Variants in TENM2 observed in about 807,000 individuals in gnomAD.
TENM2 encodes the protein teneurin-2.
In TENM2, 52 loss-of-function variants were observed where a neutral mutation model predicts 245.2. The ratio of observed to expected loss-of-function variants is 0.21; its 90% CI spans 0.17 to 0.27. TENM2 has a LOEUF of 0.27. TENM2 is among the 10% of genes least tolerant of loss of function. TENM2 has a pLI of 1.00. For synonymous variants in TENM2, 1,363 were observed against 1,438.9 expected (o/e 0.95, Z 1.19); for missense variants, 3,046 against 3,666.8 (o/e 0.83, Z 4.37).
the TENM2 span, among the ~76,000 whole-genome samples, chr5:167,171,516 C>T: frequency 1.1e-4 from 16 of 152,214 alleles, no homozygotes; most frequent in Non-Finnish European, 7.4e-5. Flanking sequence ...TTAAGGCAAT[C>T]GACAAGGAGT....
rs777199723 is a variant in TENM2, at chr5:167,974,054, G to A, written c.948-18890G>A. 4.2e-3 allele frequency among the ~76,000 whole-genome samples: 125 copies of A among 29,422 alleles called. 4 individuals carry two copies. The highest frequency in any genetic ancestry group is 4.6e-3 in the Non-Finnish European group (86 of 18,720). The allele number at this position is 29,422 out of a possible 152,430, so 19.3% of individuals were successfully genotyped here. A position where few individuals can be genotyped will look rare whatever the true frequency, so the allele number is the denominator to read the frequency against. ...AAGGAAGGAGAAGGAAGGAAGGGAG[G>A]AAAGGAGGGAGGGAGGGAGGAAGGA... On this transcript the variant is annotated intron_variant, in intron 4 of 28. Transcript: ENST00000518659.
At chr5:168,217,846 C>T (rs1763336023) in intron 22 of TENM2, among the ~76,000 whole-genome samples, 1 of 152,176 alleles carries the variant, frequency 6.6e-6, no homozygotes, top group Non-Finnish European at 1.5e-5. Context: ...CTGGTCCAGC[C>T]ATCTGGAGCT....
At chr5:167,502,508 G>T (rs994901198) in intron 2 of TENM2, among the ~76,000 whole-genome samples, 6 of 151,928 alleles carry the variant, frequency 3.9e-5, no homozygotes, top group Non-Finnish European at 7.4e-5. Context: ...ATATTCATTG[G>T]GTAAACAATA....
chr5:167,230,248 A>T, the TENM2 span, among the ~76,000 whole-genome samples: 2 of 152,084 alleles, frequency 1.3e-5, no homozygotes. Flanking sequence ...CTCTCACCTG[A>T]CTAGGATTAT....
chr5:167,633,250 A>G (rs557594235), intron 2 of TENM2, among the ~76,000 whole-genome samples: 6 of 152,222 alleles, frequency 3.9e-5, no homozygotes, highest in Non-Finnish European at 8.8e-5. Context: ...TCAGAGGCAC[A>G]TAGATTTATC....
chr5:167,399,324 G>A (rs1762241786), intron 2 of TENM2, among the ~76,000 whole-genome samples: 1 of 152,190 alleles, frequency 6.6e-6, no homozygotes, highest in African/African-American at 2.4e-5. Flanking sequence ...GCAGAGCGAG[G>A]AGCGAGCGAG....
At chr5:168,173,698 T>C (rs960428231) in intron 13 of TENM2, among the ~76,000 whole-genome samples, 1 of 151,718 alleles carries the variant, frequency 6.6e-6, no homozygotes. Context: ...AGACTCAAAC[T>C]CCGCCCATAA....
the TENM2 span, among the ~76,000 whole-genome samples, chr5:167,230,917 T>G: frequency 0.21 from 31,518 of 152,176 alleles, 3,818 homozygotes; most frequent in African/African-American, 0.33. Flanking sequence ...AGGGACCCAG[T>G]GGGAGTAATT....
intron 2 of TENM2, among the ~76,000 whole-genome samples, chr5:167,660,907 G>C (rs1211944727): frequency 1.3e-5 from 2 of 152,088 alleles, no homozygotes; most frequent in African/African-American, 4.8e-5. Flanking sequence ...GGGTGCTGGG[G>C]ACTCATCTTT....
chr5:167,013,367 A>T, the TENM2 span, among the ~76,000 whole-genome samples: 1 of 152,320 alleles, frequency 6.6e-6, no homozygotes, highest in South Asian at 2.1e-4. Context: ...GACTCTAGGG[A>T]ACATACCTTT....
At chr5:167,284,055 C>A (rs370669675), upstream of TENM2, among the ~76,000 whole-genome samples, 2 of 152,116 alleles carry the variant, frequency 1.3e-5, no homozygotes, top group African/African-American at 4.8e-5. Flanking sequence ...AGTAAGACTG[C>A]CTGTCAGCAG....
At chr5:167,708,670 CTGTT>C (rs1025242405) in intron 2 of TENM2, among the ~76,000 whole-genome samples, 1 of 152,140 alleles carries the variant, frequency 6.6e-6, no homozygotes, top group African/African-American at 2.4e-5. Context: ...CCCTGAATGA[CTGTT>C]TGGATTTGAG....
chr5:167,112,117 A>G, the TENM2 span, among the ~76,000 whole-genome samples: 1 of 152,190 alleles, frequency 6.6e-6, no homozygotes, highest in South Asian at 2.1e-4. Flanking sequence ...AGGCTAATCC[A>G]TATATGACAC....
At chr5:167,857,563 C>T (rs1231604040) in intron 2 of TENM2, among the ~76,000 whole-genome samples, 1 of 152,156 alleles carries the variant, frequency 6.6e-6, no homozygotes, top group Non-Finnish European at 1.5e-5. Flanking sequence ...TCTGGACATG[C>T]TTCCCATACC....
chr5:167,502,375 A>G (rs1769265045), intron 2 of TENM2, among the ~76,000 whole-genome samples: 1 of 152,214 alleles, frequency 6.6e-6, no homozygotes, highest in Non-Finnish European at 1.5e-5. Context: ...CAATTTAATG[A>G]AAGAGAAATG....
chr5:167,607,826 G>T (rs1040361998), intron 2 of TENM2, among the ~76,000 whole-genome samples: 1 of 152,290 alleles, frequency 6.6e-6, no homozygotes, highest in South Asian at 2.1e-4. Context: ...TATGCCCAGT[G>T]TAATAATGAG....
chr5:168,246,952 C>A (rs771321581), exon 27 of TENM2: 3 of 1,613,880 alleles, frequency 1.9e-6, no homozygotes, highest in African/African-American at 2.7e-5. Context: ...TGATGACGGC[C>A]GCATCCTGAA....
chr5:167,810,267 G>A (rs1302793070), intron 2 of TENM2, among the ~76,000 whole-genome samples: 2 of 152,050 alleles, frequency 1.3e-5, no homozygotes, highest in African/African-American at 2.4e-5. Context: ...GACACTAATA[G>A]TATTCTGAGG....
At chr5:167,706,015 A>T (rs1361716170) in intron 2 of TENM2, among the ~76,000 whole-genome samples, 2 of 142,014 alleles carry the variant, frequency 1.4e-5, no homozygotes, top group Non-Finnish European at 3.0e-5. Context: ...TTATTTACTT[A>T]TTTATATTAT....
Sources: gnomAD v4.1 joint callset for allele counts (sites outside exome capture counted in the v4.1 genomes callset) on GRCh38, gnomAD v4.1.1 for gene constraint, MANE v1.5 for transcripts, NCBI Gene and HGNC (gene_info 2026-07-23, HGNC 2026-07-21) for gene names.